PDE4B: variants seen among roughly 807,000 people sequenced by gnomAD.
The protein encoded by PDE4B is 3',5'-cyclic-AMP phosphodiesterase 4B.
PDE4B carries 20 observed loss-of-function variants against 82.2 expected under a neutral mutation model. The ratio of observed to expected loss-of-function variants is 0.24; its 90% CI spans 0.17 to 0.35. The LOEUF (loss-of-function observed/expected upper bound fraction) is 0.35. Ranked by LOEUF, PDE4B falls within the 10% of genes least tolerant of loss-of-function variation. PDE4B has a pLI of 1.00. For synonymous variants in PDE4B, 320 were observed against 318.9 expected (o/e 1.00, Z -0.04); for missense variants, 655 against 907.2 (o/e 0.72, Z 3.57).
chr1:66,370,086 C>T (rs766594426), intron 16 of PDE4B, among the ~76,000 whole-genome samples: 2 of 134,906 alleles, frequency 1.5e-5, no homozygotes, highest in African/African-American at 2.8e-5. Context: ...AGGAGGCGGA[C>T]GTTGCAGTGA....
intron 1 of PDE4B, among the ~76,000 whole-genome samples, chr1:65,867,000 CTT>C (rs2100279556): frequency 6.6e-6 from 1 of 152,140 alleles, no homozygotes; most frequent in Non-Finnish European, 1.5e-5. Flanking sequence ...GAATTTCTAA[CTT>C]TTAGAGGTGT....
chr1:66,294,138 G>A (rs6668516), intron 7 of PDE4B, among the ~76,000 whole-genome samples: 62,201 of 151,956 alleles, frequency 0.41, 15,129 homozygotes, highest in Non-Finnish European at 0.55. Flanking sequence ...CCCAGGAGGC[G>A]GTGGTTGCAG....
At chr1:65,901,529 G>C (rs1646972002) in intron 1 of PDE4B, among the ~76,000 whole-genome samples, 1 of 151,968 alleles carries the variant, frequency 6.6e-6, no homozygotes, top group African/African-American at 2.4e-5. Flanking sequence ...ATCTGGCCCA[G>C]GGCTTTTTTT....
At chr1:66,096,423 C>T (rs1645115067) in intron 3 of PDE4B, among the ~76,000 whole-genome samples, 1 of 148,380 alleles carries the variant, frequency 6.7e-6, no homozygotes, top group Non-Finnish European at 1.5e-5. Flanking sequence ...ACATAGACTA[C>T]TTTGTCCAAA....
chr1:66,046,518 A>G (rs1202725275), intron 3 of PDE4B, among the ~76,000 whole-genome samples: 3 of 151,850 alleles, frequency 2.0e-5, no homozygotes, highest in African/African-American at 7.2e-5. Context: ...ATAGAGATGA[A>G]ATCAGAATTC....
chr1:66,285,205 C>T (rs1037676022), intron 7 of PDE4B, among the ~76,000 whole-genome samples: 2 of 152,014 alleles, frequency 1.3e-5, no homozygotes, highest in African/African-American at 2.4e-5. Flanking sequence ...AAAAGGTAAA[C>T]GTAAATTTAC....
intron 3 of PDE4B, among the ~76,000 whole-genome samples, chr1:66,056,472 T>C (rs1376902962): frequency 6.9e-6 from 1 of 145,092 alleles, no homozygotes; most frequent in Non-Finnish European, 1.5e-5. Context: ...TTTATATCTA[T>C]CTATCTATCT....
At chr1:65,804,825 T>A (rs960913241) in intron 1 of PDE4B, among the ~76,000 whole-genome samples, 1 of 152,168 alleles carries the variant, frequency 6.6e-6, no homozygotes, top group Admixed American at 6.5e-5. Flanking sequence ...TCGTGGCTGC[T>A]CTGCTTCTTG....
At chr1:65,847,771 A>G (rs1410077800) in intron 1 of PDE4B, among the ~76,000 whole-genome samples, 4 of 152,226 alleles carry the variant, frequency 2.6e-5, no homozygotes, top group South Asian at 2.1e-4. Flanking sequence ...TTAGTATACT[A>G]TCATCATTTG....
intron 7 of PDE4B, among the ~76,000 whole-genome samples, chr1:66,326,723 T>C (rs1384417210): frequency 6.6e-6 from 1 of 152,222 alleles, no homozygotes; most frequent in African/African-American, 2.4e-5. Context: ...AAGTTTCTGA[T>C]ATATAGAGAT....
intron 3 of PDE4B, among the ~76,000 whole-genome samples, chr1:66,009,753 T>C (rs1256828597): frequency 6.6e-6 from 1 of 152,150 alleles, no homozygotes; most frequent in Non-Finnish European, 1.5e-5. Context: ...AGAAGACTTT[T>C]TGGCCATCTA....
chr1:66,015,977 T>C (rs1003884829), intron 3 of PDE4B, among the ~76,000 whole-genome samples: 1 of 152,204 alleles, frequency 6.6e-6, no homozygotes, highest in Non-Finnish European at 1.5e-5. Flanking sequence ...ATTGGAGAAA[T>C]TGAGATGCAT....
intron 3 of PDE4B, among the ~76,000 whole-genome samples, chr1:65,959,846 T>C (rs1200600067): frequency 6.6e-6 from 1 of 152,110 alleles, no homozygotes; most frequent in Non-Finnish European, 1.5e-5. Flanking sequence ...AGTTCCTTTA[T>C]CCCTTACCAC....
intron 12 of PDE4B, among the ~76,000 whole-genome samples, chr1:66,363,781 T>C (rs954105664): frequency 6.6e-6 from 1 of 151,678 alleles, no homozygotes; most frequent in Non-Finnish European, 1.5e-5. Flanking sequence ...AAAATAAAAA[T>C]AAAAAAAATT....
intron 4 of PDE4B, among the ~76,000 whole-genome samples, chr1:66,256,467 T>A (rs1225186899): frequency 1.3e-5 from 2 of 152,238 alleles, no homozygotes; most frequent in South Asian, 2.1e-4. Flanking sequence ...TGCTTACTCC[T>A]TGTCAGTATT....
At chr1:66,222,381 T>A (rs1438561495) in intron 3 of PDE4B, among the ~76,000 whole-genome samples, 1 of 152,224 alleles carries the variant, frequency 6.6e-6, no homozygotes, top group Non-Finnish European at 1.5e-5. Context: ...TTCTTGGTAT[T>A]GTTGTGAGGA....
chr1:65,869,555 A>G (rs1428676930), intron 1 of PDE4B, among the ~76,000 whole-genome samples: 2 of 152,220 alleles, frequency 1.3e-5, no homozygotes, highest in Admixed American at 6.5e-5. Context: ...GATAGTAATT[A>G]ATCATCATGA....
At chr1:66,203,496 G>T (rs1170983438) in intron 3 of PDE4B, among the ~76,000 whole-genome samples, 3 of 152,168 alleles carry the variant, frequency 2.0e-5, no homozygotes, top group Admixed American at 6.5e-5. Flanking sequence ...ATCAGACGTA[G>T]ATTTGGTCTT....
chr1:66,060,217 G>C (rs1655512390), intron 3 of PDE4B, among the ~76,000 whole-genome samples: 1 of 152,106 alleles, frequency 6.6e-6, no homozygotes, highest in Non-Finnish European at 1.5e-5. Context: ...AAATTTTGTA[G>C]GGCTAGTGAA....
Sources: allele counts gnomAD v4.1 joint callset (sites outside exome capture counted in the v4.1 genomes callset), GRCh38; gene constraint gnomAD v4.1.1; transcripts MANE v1.5; gene names NCBI Gene and HGNC (gene_info 2026-07-23, HGNC 2026-07-21).